The following YIPF1 variants were observed in gnomAD, a reference collection of about 807,000 sequenced individuals.
YIPF1 encodes protein YIPF1.
In YIPF1, 22 loss-of-function variants were observed where a neutral mutation model predicts 37.0. The observed-to-expected ratio is 0.59, with a 90% CI of 0.42 to 0.85. YIPF1 has a LOEUF of 0.85. Among genes scored for constraint, YIPF1 ranks in the 40% least tolerant of loss-of-function variants. The pLI, the probability that YIPF1 is intolerant of heterozygous loss-of-function variation, is 0.00. For synonymous variants in YIPF1, 128 were observed against 131.9 expected, an observed-to-expected ratio of 0.97 and a Z score of 0.21; for missense variants, 355 against 373.1, an observed-to-expected ratio of 0.95 and a Z score of 0.40.
intron 6 of YIPF1, among the ~76,000 whole-genome samples, chr1:53,873,019 A>T (rs1650234832): frequency 6.6e-6 from 1 of 152,220 alleles, no homozygotes; most frequent in South Asian, 2.1e-4. Context: ...AGATGAGCTG[A>T]GACCATCCAA....
chr1:53,885,457 G>A (rs562567762), intron 3 of YIPF1, among the ~76,000 whole-genome samples: 3 of 152,180 alleles, frequency 2.0e-5, no homozygotes, highest in African/African-American at 4.8e-5. Flanking sequence ...GCAGTGAGCC[G>A]AGATCGCACC....
At chr1:53,880,085 G>A (rs1300071554) in intron 4 of YIPF1, among the ~76,000 whole-genome samples, 1 of 152,148 alleles carries the variant, frequency 6.6e-6, no homozygotes, top group African/African-American at 2.4e-5. Flanking sequence ...AATAGGAAGA[G>A]GGTATTCAAA....
chr1:53,857,974 C>T (rs1649764841), intron 10 of YIPF1, among the ~76,000 whole-genome samples: 1 of 120,992 alleles, frequency 8.3e-6, no homozygotes, highest in South Asian at 3.3e-4. Flanking sequence ...GAGTGAGACT[C>T]CACCTCAAAA....
At chr1:53,858,599 C>T (rs2100719341) in intron 10 of YIPF1, among the ~76,000 whole-genome samples, 1 of 152,148 alleles carries the variant, frequency 6.6e-6, no homozygotes, top group Admixed American at 6.5e-5. Context: ...AGCCCCTTAC[C>T]CAAGGCACAT....
Position 53,866,235 on chromosome 1 carries a change from C to A in YIPF1, c.796G>T (p.Val266Leu), listed in dbSNP as rs768171649. ...ACAGAAAGCAGCATATGGAGCAACA[C>A]AATTGTCACAATTGTGGCCAATGCA... Reference protein sequence around the residue: ...RVALATIVTIVLLHMLLSVGC... With the variant: ...RVALATIVTILLLHMLLSVGC... The change falls in exon 9 of 11, where the codon GTG becomes TTG. Residue 266 changes from valine (V) to leucine (L), a missense_variant. Val to Leu is a conservative substitution (Grantham distance 32). Coordinates refer to ENST00000072644, the MANE Select transcript of YIPF1 (RefSeq NM_018982.5). The A allele has an allele frequency of 3.7e-6, 6 of 1,614,026 alleles. No individual in the cohort carries two copies. The highest frequency in any genetic ancestry group is 5.1e-6 in the Non-Finnish European group (6 of 1,180,012).
intron 3 of YIPF1, 26 bp downstream of exon 3, chr1:53,888,881 T>A: frequency 2.6e-6 from 4 of 1,567,400 alleles, no homozygotes; most frequent in Non-Finnish European, 3.5e-6. Context: ...ATCATAAATA[T>A]AAAGGTGGGC....
intron 3 of YIPF1, among the ~76,000 whole-genome samples, chr1:53,886,475 T>C (rs868556189): frequency 1.6e-4 from 24 of 152,030 alleles, no homozygotes; most frequent in South Asian, 4.1e-4. Context: ...CCTGAAACAA[T>C]GCCTTTCACC....
At chr1:53,855,634 T>C (rs1014422641) in intron 10 of YIPF1, among the ~76,000 whole-genome samples, 3 of 152,218 alleles carry the variant, frequency 2.0e-5, no homozygotes, top group Non-Finnish European at 2.9e-5. Context: ...TTGGGTTACA[T>C]CTGCCTGCTG....
intron 10 of YIPF1, among the ~76,000 whole-genome samples, chr1:53,854,805 A>C (rs1049366373): frequency 1.3e-5 from 2 of 152,068 alleles, no homozygotes; most frequent in Non-Finnish European, 2.9e-5. Flanking sequence ...TTGATGCTAT[A>C]TGATTGGCCT....
intron 1 of YIPF1, 118 bp from the exon 2 acceptor site, chr1:53,889,581 C>T (rs990900865): frequency 6.6e-6 from 1 of 152,462 alleles, no homozygotes; most frequent in Non-Finnish European, 1.5e-5. Flanking sequence ...GTGTCGGCGA[C>T]CCTGCAGCCC....
At chr1:53,874,271 C>T (rs1245970110) in intron 6 of YIPF1, among the ~76,000 whole-genome samples, 1 of 152,166 alleles carries the variant, frequency 6.6e-6, no homozygotes, top group East Asian at 1.9e-4. Flanking sequence ...CCAGGACCTG[C>T]CATGTTGCTT....
intron 7 of YIPF1, among the ~76,000 whole-genome samples, chr1:53,867,708 GATT>G (rs1439657687): frequency 6.6e-6 from 1 of 152,232 alleles, no homozygotes; most frequent in Non-Finnish European, 1.5e-5. Context: ...CTTGGGTAGA[GATT>G]AACTTGCTCT....
chr1:53,870,933 G>A (rs879698750), intron 7 of YIPF1, among the ~76,000 whole-genome samples: 1 of 148,676 alleles, frequency 6.7e-6, no homozygotes, highest in Non-Finnish European at 1.5e-5. Context: ...GATTACTTGA[G>A]CCCAGGGAGG....
intron 2 of YIPF1, 82 bp from the exon 3 acceptor site, chr1:53,889,068 C>T: frequency 2.8e-6 from 2 of 706,796 alleles, no homozygotes; most frequent in Admixed American, 2.1e-5. Context: ...GAAATGGTAT[C>T]ACTTTCCCTT....
At chr1:53,878,270 C>A (rs756124880) in intron 6 of YIPF1, 45 bp downstream of exon 6, 1 of 1,597,756 alleles carries the variant, frequency 6.3e-7, no homozygotes, top group Non-Finnish European at 8.6e-7. Flanking sequence ...TCACACTCAC[C>A]CAAGTTCAAC....
intron 6 of YIPF1, among the ~76,000 whole-genome samples, chr1:53,875,823 A>G (rs1650320947): frequency 6.6e-6 from 1 of 152,182 alleles, no homozygotes; most frequent in Admixed American, 6.5e-5. Flanking sequence ...TCATTACTCA[A>G]AATTCACCTT....
At chr1:53,887,015 C>T (rs1007356959) in intron 3 of YIPF1, among the ~76,000 whole-genome samples, 2 of 151,946 alleles carry the variant, frequency 1.3e-5, no homozygotes, top group Non-Finnish European at 2.9e-5. Flanking sequence ...CAGATGAAAT[C>T]AGAGGGTTGG....
In YIPF1 at chr1:53,888,983, G is replaced by A; in HGVS notation, c.-46C>T. On this transcript the variant is annotated 5_prime_UTR_variant, in exon 3 of 11. Coordinates refer to ENST00000072644, the MANE Select transcript of YIPF1 (RefSeq NM_018982.5). ...CAATTATGAGGAAGAAAATTTGCAG[G>A]GTTCTAAAAGAAAAAAATAGGTAAA... 1.3e-6 allele frequency: 2 copies of A among 1,571,158 alleles called. No homozygotes were observed. The highest frequency in any genetic ancestry group is 1.7e-6 in the Non-Finnish European group (2 of 1,144,104).
chr1:53,853,053 G>A (rs982672167), intron 10 of YIPF1, among the ~76,000 whole-genome samples: 2 of 152,064 alleles, frequency 1.3e-5, no homozygotes, highest in Non-Finnish European at 2.9e-5. Flanking sequence ...AGGTGAGTGG[G>A]GGGAATCTAC....
Sources: allele counts gnomAD v4.1 joint callset (sites outside exome capture counted in the v4.1 genomes callset), GRCh38; gene constraint gnomAD v4.1.1; transcripts MANE v1.5; gene names NCBI Gene and HGNC (gene_info 2026-07-23, HGNC 2026-07-21).